Variants in RGS22 observed in about 807,000 individuals in gnomAD.
RGS22 encodes the protein regulator of G-protein signaling 22.
RGS22 carries 148 observed loss-of-function variants against 172.9 expected under a neutral mutation model. That is an observed-to-expected ratio of 0.86 (90% confidence interval 0.75 to 0.98). The LOEUF is 0.98. Among genes scored for constraint, RGS22 ranks in the 50% least tolerant of loss-of-function variants. The pLI is 0.00. For missense variants in RGS22, 1,347 were observed against 1,440.8 expected, an observed-to-expected ratio of 0.93 and a Z score of 1.05; for synonymous variants, 458 against 480.2, an observed-to-expected ratio of 0.95 and a Z score of 0.60.
At chr8:100,086,099 A>G (rs1478674671) in intron 3 of RGS22, among the ~76,000 whole-genome samples, 1 of 152,132 alleles carries the variant, frequency 6.6e-6, no homozygotes, top group Non-Finnish European at 1.5e-5. Flanking sequence ...GAAGAGGGGG[A>G]AGAGGTGAAT....
rs771311157 is a variant in RGS22, at chr8:100,105,329, T to G, written c.54+45A>C. ...TTCTATGATCTAATATTTGCTATTT[T>G]TTTAAAGGCCAAAGAAAAAAATAGC... is the stretch of plus-strand genomic sequence containing the variant. On this transcript the variant is annotated intron_variant, in intron 2 of 27. Transcript: ENST00000360863. The G allele has an allele frequency of 5.3e-6, 8 of 1,500,632 alleles. No homozygotes were observed. The East Asian group carries it at 1.6e-4, about 30-fold the overall frequency. 93.0% of individuals were successfully genotyped at this position (1,500,632 alleles called of 1,614,324 possible). A position where few individuals can be genotyped will look rare whatever the true frequency, so the allele number is the denominator to read the frequency against.
intron 14 of RGS22, among the ~76,000 whole-genome samples, chr8:100,018,671 A>T (rs1473965829): frequency 9.2e-5 from 14 of 152,234 alleles, no homozygotes; most frequent in Non-Finnish European, 1.5e-5. Flanking sequence ...TTGTACTATT[A>T]ATACACATGA....
intron 22 of RGS22, among the ~76,000 whole-genome samples, chr8:99,981,214 A>G (rs1295440693): frequency 6.6e-6 from 1 of 152,214 alleles, no homozygotes; most frequent in African/African-American, 2.4e-5. Context: ...TCACCAAGTC[A>G]CTGTTTTCTA....
Position 100,072,170 on chromosome 8 carries a change from C to G in RGS22, c.400G>C (p.Glu134Gln), listed in dbSNP as rs1811033243. The G allele has an allele frequency of 1.2e-6, 2 of 1,602,118 alleles. No individual in the cohort carries two copies. Among genetic ancestry groups the G allele is most frequent in the Non-Finnish European group, 1.7e-6 (2 of 1,173,670 alleles). ...CTGTATTCAAAGTAACAATCACTTT[C>G]CAGAAATGCTGGAAGTCTTTCTTTT... ...IKKERLPAFL[E>Q]SDCYFEYRLA... Residue 134 changes from glutamate (E) to glutamine (Q), a missense_variant, in exon 5 of 28, where the codon GAA becomes CAA. Physicochemically the swap from Glu to Gln is conservative, Grantham distance 29. Transcript: ENST00000360863.
chr8:100,057,255 C>G (rs1809712959), intron 9 of RGS22, among the ~76,000 whole-genome samples: 1 of 152,172 alleles, frequency 6.6e-6, no homozygotes, highest in Non-Finnish European at 1.5e-5. Context: ...AACTGACTTG[C>G]TTTTGATTTT....
At chr8:99,999,484 A>C (rs1393263760) in intron 18 of RGS22, 64 bp from the exon 19 acceptor site, 4 of 1,549,664 alleles carry the variant, frequency 2.6e-6, no homozygotes, top group Non-Finnish European at 3.5e-6. Flanking sequence ...AATAGTCATT[A>C]ATTCATTCAT....
At chr8:99,981,661 A>G (rs1336465828) in intron 22 of RGS22, among the ~76,000 whole-genome samples, 1 of 151,712 alleles carries the variant, frequency 6.6e-6, no homozygotes, top group Non-Finnish European at 1.5e-5. Flanking sequence ...CTTGTCAAAT[A>G]TGAATAACGT....
At chr8:100,080,414 TAAG>T (rs1335271066) in intron 3 of RGS22, 59 bp from the exon 4 acceptor site, 6 of 1,244,686 alleles carry the variant, frequency 4.8e-6, no homozygotes, top group East Asian at 2.5e-5. Context: ...TCATGGTCTC[TAAG>T]AAGACTTGTG....
intron 20 of RGS22, among the ~76,000 whole-genome samples, chr8:99,990,381 C>T (rs1364532116): frequency 6.7e-6 from 1 of 149,310 alleles, no homozygotes; most frequent in Non-Finnish European, 1.5e-5. Flanking sequence ...CCATTTCTTC[C>T]CCCTGCCTTT....
At chr8:100,051,933 ATATT>A (rs1292689657) in intron 10 of RGS22, among the ~76,000 whole-genome samples, 212 of 49,314 alleles carry the variant, frequency 4.3e-3, no homozygotes, top group South Asian at 7.4e-3. Flanking sequence ...ATGTTTATAT[ATATT>A]TATATATTTA....
Position 100,008,317 on chromosome 8 carries a change from C to T in RGS22, c.2361+58G>A, listed in dbSNP as rs574745315. 7.9e-4 allele frequency: 1,189 copies of T among 1,497,932 alleles called. 4 individuals carry two copies. The highest frequency in any genetic ancestry group is 2.1e-3 in the South Asian group (173 of 82,078). 92.8% of individuals were successfully genotyped at this position (1,497,932 alleles called of 1,614,324 possible). A position where few individuals can be genotyped will look rare whatever the true frequency, so the allele number is the denominator to read the frequency against. On this transcript the variant is annotated intron_variant, in intron 15 of 27. Transcript: ENST00000360863. ...CCTCCCAAAGTGCTGGGATAACAGG[C>T]GTCAGTATTGTAGTAAACCTGAATG...
intron 19 of RGS22, 40 bp downstream of exon 19, chr8:99,999,222 A>G (rs951584258): frequency 1.9e-5 from 30 of 1,572,492 alleles, no homozygotes; most frequent in Non-Finnish European, 2.6e-5. Context: ...TTTCAGAGGT[A>G]CTGACAACTG....
chr8:100,070,495 T>G (rs1310261482), intron 6 of RGS22, among the ~76,000 whole-genome samples: 2 of 152,204 alleles, frequency 1.3e-5, no homozygotes, highest in African/African-American at 4.8e-5. Flanking sequence ...TACTTTCAGT[T>G]TTTTCTCGGA....
intron 10 of RGS22, among the ~76,000 whole-genome samples, chr8:100,051,707 A>G (rs1209958095): frequency 1.4e-4 from 5 of 35,302 alleles, no homozygotes; most frequent in Admixed American, 5.4e-4. Flanking sequence ...ATATACGTAT[A>G]TATAAATATA....
chr8:99,980,913 A>G (rs748731258), intron 22 of RGS22, among the ~76,000 whole-genome samples: 1 of 152,186 alleles, frequency 6.6e-6, no homozygotes, highest in African/African-American at 2.4e-5. Flanking sequence ...ATGTTTCTCT[A>G]TAGCACGTCC....
intron 2 of RGS22, among the ~76,000 whole-genome samples, chr8:100,102,923 T>C (rs568446659): frequency 7.6e-4 from 116 of 152,376 alleles, no homozygotes; most frequent in African/African-American, 2.4e-3. Context: ...ATGAGATATG[T>C]GGCCTCAGGC....
intron 14 of RGS22, among the ~76,000 whole-genome samples, chr8:100,012,064 C>G (rs926027817): frequency 2.6e-5 from 4 of 151,642 alleles, no homozygotes; most frequent in African/African-American, 9.7e-5. Flanking sequence ...AGCTTAAAGA[C>G]AGGAGACAGC....
intron 2 of RGS22, among the ~76,000 whole-genome samples, chr8:100,101,592 C>A (rs1813494959): frequency 6.6e-6 from 1 of 151,448 alleles, no homozygotes; most frequent in African/African-American, 2.4e-5. Context: ...TGCGCCCAGC[C>A]CTAAATTTTA....
At chr8:100,011,854 C>T (rs1198464973) in intron 14 of RGS22, among the ~76,000 whole-genome samples, 1 of 152,078 alleles carries the variant, frequency 6.6e-6, no homozygotes, top group African/African-American at 2.4e-5. Flanking sequence ...TAAATGGAGG[C>T]TCTAGACAAA....
Sources: allele counts gnomAD v4.1 joint callset (sites outside exome capture counted in the v4.1 genomes callset), GRCh38; gene constraint gnomAD v4.1.1; transcripts MANE v1.5; gene names NCBI Gene and HGNC (gene_info 2026-07-23, HGNC 2026-07-21).